ACBD3: variants seen among roughly 807,000 people sequenced by gnomAD.
ACBD3 encodes Golgi resident protein GCP60.
In ACBD3, 30 loss-of-function variants were observed where a neutral mutation model predicts 66.9. The ratio of observed to expected loss-of-function variants is 0.45; its 90% CI spans 0.34 to 0.61. The LOEUF is 0.61. Ranked by LOEUF, ACBD3 falls within the 20% of genes least tolerant of loss-of-function variation. The pLI, the probability that ACBD3 is intolerant of heterozygous loss-of-function variation, is 0.02. For synonymous variants in ACBD3, 278 were observed against 259.8 expected, an observed-to-expected ratio of 1.07 and a Z score of -0.68; for missense variants, 544 against 664.5, an observed-to-expected ratio of 0.82 and a Z score of 1.99.
At position 226,155,340 on chromosome 1, in the gene ACBD3, T is replaced by G. The variant is rs1476944709; in HGVS notation, c.904-507A>C. On this transcript the variant is annotated intron_variant, in intron 5 of 7. Coordinates refer to ENST00000366812, the MANE Select transcript of ACBD3 (RefSeq NM_022735.4). ...GCTGAGGCAGGAGAATCGCTTGAACTCGGGAGGCGGAGGTTGCAGTGACCT... is the reference window on the plus strand; with the variant it reads ...GCTGAGGCAGGAGAATCGCTTGAACGCGGGAGGCGGAGGTTGCAGTGACCT... Among the ~76,000 whole-genome samples, 5 of 150,356 alleles carry G rather than the reference T, an allele frequency of 3.3e-5. No homozygotes were observed. In the East Asian group the frequency reaches 7.8e-4, roughly 24 times the overall value.
intron 1 of ACBD3, among the ~76,000 whole-genome samples, chr1:226,169,322 A>G (rs1192169516): frequency 5.3e-5 from 8 of 151,484 alleles, no homozygotes; most frequent in African/African-American, 1.5e-4. Flanking sequence ...ATCTCGGCTC[A>G]CTGCAAGCTC....
chr1:226,157,544 CT>C lies in ACBD3; in HGVS notation c.903+1639del, dbSNP rs200740951. Reference sequence around the variant, plus strand: ...ATGTGCCACCACACCTGGCCTATGGCTTTTTTTTTCCTCGAGACAGGGTCTC... The same window carrying C: ...ATGTGCCACCACACCTGGCCTATGGCTTTTTTTTCCTCGAGACAGGGTCTC... On this transcript the variant is annotated intron_variant, in intron 5 of 7. Transcript: ENST00000366812. 6.0e-5 allele frequency among the ~76,000 whole-genome samples: 9 copies of C among 150,992 alleles called. No individual in the cohort carries two copies. The South Asian group carries it at 6.3e-4, about 11-fold the overall frequency.
chr1:226,160,257 A>C (rs921799238), intron 4 of ACBD3, among the ~76,000 whole-genome samples: 1 of 152,018 alleles, frequency 6.6e-6, no homozygotes, highest in African/African-American at 2.4e-5. Flanking sequence ...ACGCCTGGCT[A>C]ATCTTTATAT....
intron 1 of ACBD3, among the ~76,000 whole-genome samples, chr1:226,183,479 G>T (rs778772633): frequency 1.1e-4 from 16 of 151,544 alleles, no homozygotes; most frequent in Non-Finnish European, 2.2e-4. Flanking sequence ...ACCACACCCG[G>T]CCGAAAATGT....
chr1:226,186,077 G>T (rs1003640433), intron 1 of ACBD3, among the ~76,000 whole-genome samples: 1 of 152,230 alleles, frequency 6.6e-6, no homozygotes, highest in Non-Finnish European at 1.5e-5. Context: ...TCCTTTGGAA[G>T]AAAGTGGGCT....
intron 1 of ACBD3, among the ~76,000 whole-genome samples, chr1:226,174,582 T>C (rs1446931254): frequency 6.6e-6 from 1 of 151,112 alleles, no homozygotes; most frequent in Non-Finnish European, 1.5e-5. Flanking sequence ...CTGACCAACA[T>C]GGTGAAACCC....
At chr1:226,154,938 T>A in intron 5 of ACBD3, 105 bp from the exon 6 acceptor site, 1 of 870,000 alleles carries the variant, frequency 1.1e-6, no homozygotes, top group Non-Finnish European at 1.6e-6. Flanking sequence ...ACCAAAGTGC[T>A]ATGCTCAAGA....
chr1:226,146,887 ATCTATCCTT>A, intron 7 of ACBD3, 66 bp from the exon 8 acceptor site: 1 of 1,451,230 alleles, frequency 6.9e-7, no homozygotes, highest in East Asian at 2.3e-5. Flanking sequence ...GGCAATTAAA[ATCTATCCTT>A]TCTTTTTTTT....
At chr1:226,172,441 T>G (rs1019311367) in intron 1 of ACBD3, among the ~76,000 whole-genome samples, 2 of 152,162 alleles carry the variant, frequency 1.3e-5, no homozygotes, top group African/African-American at 2.4e-5. Flanking sequence ...TGCAGTGGCA[T>G]GCACCTGTAG....
chr1:226,186,387 C>G lies in ACBD3; in HGVS notation c.286+3G>C. 1 of 1,515,982 alleles carries G rather than the reference C, an allele frequency of 6.6e-7. No homozygotes were observed. Among genetic ancestry groups the G allele is most frequent in the South Asian group, 1.2e-5 (1 of 81,874 alleles). The allele number at this position is 1,515,982 out of a possible 1,614,324, so 93.9% of individuals were successfully genotyped here. A position where few individuals can be genotyped will look rare whatever the true frequency, so the allele number is the denominator to read the frequency against. On this transcript the variant is annotated splice_donor_region_variant and intron_variant, in intron 1 of 7. Transcript: ENST00000366812. ...CGGCGGGGGTGGGGCTGGCCCGGCT[C>G]ACCTTTGAAGAAGCGCAGTGCCAGG...
At chr1:226,174,478 G>GAAA (rs972439507) in intron 1 of ACBD3, among the ~76,000 whole-genome samples, 27 of 151,988 alleles carry the variant, frequency 1.8e-4, no homozygotes, top group African/African-American at 6.5e-4. Flanking sequence ...GAGAACCCTG[G>GAAA]AAAAAGCCAG....
In ACBD3 at chr1:226,186,495, C is replaced by T; in HGVS notation, c.181G>A (p.Gly61Arg). Residue 61 changes from glycine to arginine, a missense_variant, in exon 1 of 8, where the codon GGG (glycine) becomes AGG (arginine). Transcript: ENST00000366812. ...GCCGCGCCCCCAGCCGCCGCCTCCC[C>T]GGGCTCGGGCTGCTCCCCTGAGGCG... ...PGASGEQPEP[G>R]EAAAGGAAEE... The T allele has an allele frequency of 2.0e-6, 3 of 1,478,336 alleles. No individual in the cohort carries two copies. Among genetic ancestry groups the T allele is most frequent in the South Asian group, 2.6e-5 (2 of 76,928 alleles). The allele number at this position is 1,478,336 out of a possible 1,614,324, so 91.6% of individuals were successfully genotyped here.
chr1:226,178,822 C>A (rs1390999335), intron 1 of ACBD3, among the ~76,000 whole-genome samples: 1 of 152,134 alleles, frequency 6.6e-6, no homozygotes, highest in Non-Finnish European at 1.5e-5. Context: ...AATTGCTAAC[C>A]TATGCTTGAA....
intron 1 of ACBD3, among the ~76,000 whole-genome samples, chr1:226,183,316 T>C (rs59642791): frequency 2.6e-5 from 4 of 152,036 alleles, no homozygotes; most frequent in Non-Finnish European, 5.9e-5. Context: ...GCTGGGACTA[T>C]AGGCGCCTGC....
intron 1 of ACBD3, among the ~76,000 whole-genome samples, chr1:226,178,810 G>A (rs984627370): frequency 6.6e-6 from 1 of 152,100 alleles, no homozygotes; most frequent in African/African-American, 2.4e-5. Flanking sequence ...TATCCACCCA[G>A]CAATTGCTAA....
At chr1:226,150,130 C>T (rs1659541610) in intron 7 of ACBD3, among the ~76,000 whole-genome samples, 1 of 149,592 alleles carries the variant, frequency 6.7e-6, no homozygotes, top group South Asian at 2.1e-4. Flanking sequence ...GATCATATAG[C>T]TCACTACAGC....
intron 1 of ACBD3, among the ~76,000 whole-genome samples, chr1:226,168,709 T>A (rs758543135): frequency 8.5e-5 from 13 of 152,246 alleles, no homozygotes; most frequent in Non-Finnish European, 1.8e-4. Context: ...CCTACTGTGC[T>A]GCCAGCTGTA....
At chr1:226,153,818 GGT>G (rs1372724545) in intron 6 of ACBD3, among the ~76,000 whole-genome samples, 5 of 152,046 alleles carry the variant, frequency 3.3e-5, no homozygotes, top group Non-Finnish European at 7.4e-5. Flanking sequence ...CTCACCTCTG[GGT>G]CTTCATGCAC....
At chr1:226,175,467 T>G (rs1211672686) in intron 1 of ACBD3, among the ~76,000 whole-genome samples, 2 of 152,204 alleles carry the variant, frequency 1.3e-5, no homozygotes, top group African/African-American at 4.8e-5. Context: ...TTTAAGGACA[T>G]TTAAGATAGA....
Sources: gnomAD v4.1 joint callset for allele counts (sites outside exome capture counted in the v4.1 genomes callset) on GRCh38, gnomAD v4.1.1 for gene constraint, MANE v1.5 for transcripts, NCBI Gene and HGNC (gene_info 2026-07-23, HGNC 2026-07-21) for gene names.